The following PIWIL3 variants were observed in gnomAD, a reference collection of about 807,000 sequenced individuals.
PIWIL3 encodes the protein piwi like RNA-mediated gene silencing 3, also known as piwi-like protein 3.
A neutral mutation model predicts 109.7 loss-of-function variants in PIWIL3; 101 were observed. The ratio of observed to expected loss-of-function variants is 0.92; its 90% CI spans 0.78 to 1.09. PIWIL3 has a LOEUF of 1.09. Ranked by LOEUF, PIWIL3 falls within the 50% of genes least tolerant of loss-of-function variation. The pLI is 0.00. For missense variants in PIWIL3, 1,031 were observed against 1,072.6 expected (o/e 0.96, Z 0.54); for synonymous variants, 373 against 376.4 (o/e 0.99, Z 0.10).
chr22:24,745,736 A>G (rs1010632771), intron 12 of PIWIL3, among the ~76,000 whole-genome samples: 43 of 150,518 alleles, frequency 2.9e-4, no homozygotes, highest in Middle Eastern at 3.4e-3. Flanking sequence ...AAAAAAAAAA[A>G]AAGAAGATCC....
intron 12 of PIWIL3, among the ~76,000 whole-genome samples, chr22:24,737,277 C>T (rs115793050): frequency 6.6e-6 from 1 of 152,194 alleles, no homozygotes; most frequent in South Asian, 2.1e-4. Context: ...ACAACAGTCA[C>T]GGTTGTGAGG....
At chr22:24,752,931 C>T (rs993956181) in intron 8 of PIWIL3, among the ~76,000 whole-genome samples, 3 of 152,146 alleles carry the variant, frequency 2.0e-5, no homozygotes, top group Non-Finnish European at 4.4e-5. Flanking sequence ...TGATGTTAAA[C>T]GTTTTCACGC....
intron 8 of PIWIL3, 146 bp from the exon 9 acceptor site, chr22:24,751,644 C>T: frequency 7.4e-7 from 1 of 1,347,196 alleles, no homozygotes; most frequent in Non-Finnish European, 9.8e-7. Context: ...TACAACTCAC[C>T]CATCTGAGCA....
chr22:24,773,744 TC>T (rs2147740973), intron 1 of PIWIL3, among the ~76,000 whole-genome samples: 1 of 123,804 alleles, frequency 8.1e-6, no homozygotes, highest in Non-Finnish European at 1.7e-5. Context: ...GGAGTCTCAC[TC>T]ACTCTGTTGC....
intron 18 of PIWIL3, 110 bp downstream of exon 18, chr22:24,724,777 G>T: frequency 8.1e-7 from 1 of 1,227,208 alleles, no homozygotes; most frequent in Non-Finnish European, 1.1e-6. Context: ...TCACTATGTT[G>T]CCCAAGCTGG....
chr22:24,766,042 G>GAA (rs71189280), intron 1 of PIWIL3, among the ~76,000 whole-genome samples: 17 of 143,604 alleles, frequency 1.2e-4, no homozygotes, highest in South Asian at 4.4e-4. Flanking sequence ...CAACTTAATG[G>GAA]AAAAAAAAAA....
chr22:24,759,160 CTGA>C (rs1430930710), intron 3 of PIWIL3, among the ~76,000 whole-genome samples: 1 of 152,238 alleles, frequency 6.6e-6, no homozygotes, highest in Non-Finnish European at 1.5e-5. Context: ...TCCCAAAGTG[CTGA>C]TGTGAGCCAC....
At chr22:24,726,276 T>A (rs181340142) in intron 16 of PIWIL3, among the ~76,000 whole-genome samples, 1 of 150,740 alleles carries the variant, frequency 6.6e-6, no homozygotes, top group Non-Finnish European at 1.5e-5. Context: ...TATTGGCTAT[T>A]TTCTTTCTTT....
intron 16 of PIWIL3, among the ~76,000 whole-genome samples, chr22:24,727,648 C>G (rs1923076110): frequency 6.6e-6 from 1 of 152,132 alleles, no homozygotes. Flanking sequence ...CTTGTAAGGT[C>G]CTGAGAGCGT....
At chr22:24,735,932 TAAAGATC>T in intron 12 of PIWIL3, 40 bp from the exon 13 acceptor site, 1 of 1,484,538 alleles carries the variant, frequency 6.7e-7, no homozygotes, top group Non-Finnish European at 9.1e-7. Context: ...AACTTTATTT[TAAAGATC>T]AACTTATCTG....
intron 12 of PIWIL3, among the ~76,000 whole-genome samples, chr22:24,743,740 G>A (rs536791802): frequency 6.6e-6 from 1 of 152,128 alleles, no homozygotes; most frequent in South Asian, 2.1e-4. Context: ...GGTGATGGAT[G>A]CACCAAAAGT....
chr22:24,770,803 C>T (rs1926093883), intron 1 of PIWIL3, among the ~76,000 whole-genome samples: 1 of 151,452 alleles, frequency 6.6e-6, no homozygotes, highest in African/African-American at 2.4e-5. Context: ...CCACTGCATT[C>T]CAGCTTGGGT....
intron 8 of PIWIL3, among the ~76,000 whole-genome samples, chr22:24,752,350 G>A (rs1466603566): frequency 6.6e-6 from 1 of 152,090 alleles, no homozygotes; most frequent in East Asian, 1.9e-4. Context: ...CCTTGTCCCT[G>A]CCATGTGTGC....
At position 24,748,996 on chromosome 22, in the gene PIWIL3, G is replaced by A; in HGVS notation, c.1360C>T (p.Gln454Ter). The A allele has an allele frequency of 6.2e-7, 1 of 1,612,774 alleles. No individual in the cohort carries two copies. Among genetic ancestry groups the A allele is most frequent in the East Asian group, 2.2e-5 (1 of 44,846 alleles). Residue 454 changes from glutamine to a stop codon, truncating the protein, a stop_gained, in exon 12 of 21, where the codon CAA (glutamine) becomes TAA (stop). Transcript: ENST00000616349. LOFTEE classifies it high-confidence loss of function. ...QDNKKVRELL[Q>*]LWDLKFDTNF... ...GTATCAAATTTCAAATCCCAGAGTT[G>A]AAGTAACTCTCGTACTTTTTTATTA...
At chr22:24,766,865 C>T (rs1925826391) in intron 1 of PIWIL3, among the ~76,000 whole-genome samples, 1 of 151,926 alleles carries the variant, frequency 6.6e-6, no homozygotes, top group Non-Finnish European at 1.5e-5. Flanking sequence ...CACAGAGTTT[C>T]ATGCCTGTAA....
intron 14 of PIWIL3, among the ~76,000 whole-genome samples, chr22:24,733,400 G>A (rs1283136926): frequency 6.6e-6 from 1 of 151,860 alleles, no homozygotes; most frequent in Admixed American, 6.6e-5. Context: ...AAAAATACCA[G>A]GCAACTATTG....
chr22:24,756,749 G>T (rs1459698283), intron 4 of PIWIL3, 44 bp from the exon 5 acceptor site: 2 of 1,509,774 alleles, frequency 1.3e-6, no homozygotes, highest in Non-Finnish European at 9.2e-7. Context: ...AGACTGATTG[G>T]GCCCAAAACA....
At chr22:24,729,235 CG>C (rs1170367318) in intron 14 of PIWIL3, among the ~76,000 whole-genome samples, 10 of 152,046 alleles carry the variant, frequency 6.6e-5, no homozygotes, top group African/African-American at 2.4e-4. Context: ...GCAACCCTCT[CG>C]GGCCCCCTCT....
chr22:24,723,400 G>A, intron 18 of PIWIL3, 145 bp from the exon 19 acceptor site: 1 of 797,244 alleles, frequency 1.3e-6, no homozygotes, highest in Non-Finnish European at 1.9e-6. Flanking sequence ...TACTGTCTAA[G>A]CTCCATGTGC....
Sources: allele counts gnomAD v4.1 joint callset (sites outside exome capture counted in the v4.1 genomes callset), GRCh38; gene constraint gnomAD v4.1.1; transcripts MANE v1.5; gene names NCBI Gene and HGNC (gene_info 2026-07-23, HGNC 2026-07-21).